Variants in PLXNA4 observed in about 807,000 individuals in gnomAD.
PLXNA4 encodes plexin-A4.
A neutral mutation model predicts 191.8 loss-of-function variants in PLXNA4; 44 were observed. The observed-to-expected ratio is 0.23, with a 90% CI of 0.18 to 0.29. The LOEUF is 0.29. PLXNA4 is among the 10% of genes least tolerant of loss of function. PLXNA4 has a pLI of 1.00. For synonymous variants in PLXNA4, 1,082 were observed against 1,009.5 expected (o/e 1.07, Z -1.36); for missense variants, 1,800 against 2,488.8 (o/e 0.72, Z 5.89).
intron 3 of PLXNA4, among the ~76,000 whole-genome samples, chr7:132,481,539 A>G (rs1464837295): frequency 6.6e-6 from 1 of 152,164 alleles, no homozygotes; most frequent in Admixed American, 6.5e-5. Flanking sequence ...TGAGGATTAC[A>G]TGTGACAATC....
At chr7:132,481,876 C>G (rs1490140492) in intron 3 of PLXNA4, among the ~76,000 whole-genome samples, 1 of 152,176 alleles carries the variant, frequency 6.6e-6, no homozygotes, top group Non-Finnish European at 1.5e-5. Flanking sequence ...GTTTCCTCAC[C>G]CCTGGTCCTG....
chr7:132,501,714 C>A (rs1233347947), intron 2 of PLXNA4, among the ~76,000 whole-genome samples: 1 of 152,212 alleles, frequency 6.6e-6, no homozygotes, highest in South Asian at 2.1e-4. Context: ...CAGGTGCCAT[C>A]TCCGAGAGAG....
intron 29 of PLXNA4, among the ~76,000 whole-genome samples, chr7:132,142,588 T>C (rs900888095): frequency 2.0e-5 from 3 of 152,190 alleles, no homozygotes; most frequent in African/African-American, 7.2e-5. Context: ...TCCTACAAAG[T>C]GTGCAGGGCG....
At chr7:132,408,999 G>A (rs1202456576) in intron 3 of PLXNA4, among the ~76,000 whole-genome samples, 2 of 152,012 alleles carry the variant, frequency 1.3e-5, no homozygotes, top group African/African-American at 4.8e-5. Context: ...TCTCAAAAAG[G>A]GGTCCAAGCA....
chr7:132,386,298 C>T (rs1033790143), intron 3 of PLXNA4, among the ~76,000 whole-genome samples: 6 of 152,160 alleles, frequency 3.9e-5, no homozygotes, highest in East Asian at 1.9e-4. Context: ...GGGAGAACAC[C>T]GGGCTGTGTT....
chr7:132,468,632 G>A (rs1227452352), intron 3 of PLXNA4, among the ~76,000 whole-genome samples: 2 of 152,100 alleles, frequency 1.3e-5, no homozygotes, highest in African/African-American at 4.8e-5. Context: ...TGAGGAGAAA[G>A]AGAGAAGAAT....
intron 3 of PLXNA4, among the ~76,000 whole-genome samples, chr7:132,389,229 A>G (rs1008269781): frequency 1.3e-5 from 2 of 152,088 alleles, no homozygotes; most frequent in Non-Finnish European, 1.5e-5. Context: ...GTTCACTCTG[A>G]TGATAGTTTC....
chr7:132,331,462 C>T (rs568632833), intron 3 of PLXNA4, among the ~76,000 whole-genome samples: 18 of 152,360 alleles, frequency 1.2e-4, no homozygotes, highest in Admixed American at 9.1e-4. Context: ...AGCTCTGCTG[C>T]TCAGGGACCT....
intron 4 of PLXNA4, among the ~76,000 whole-genome samples, chr7:132,257,821 T>C (rs911249471): frequency 3.3e-5 from 5 of 152,202 alleles, no homozygotes; most frequent in African/African-American, 9.6e-5. Context: ...TCTTTCCAGC[T>C]ATGCTGAAGA....
chr7:132,578,097 C>A (rs553113318), upstream of PLXNA4, among the ~76,000 whole-genome samples: 2 of 152,178 alleles, frequency 1.3e-5, no homozygotes, highest in Non-Finnish European at 2.9e-5. Flanking sequence ...AGAAAGAAAT[C>A]ACCATGTAGC....
At position 132,476,182 on chromosome 7, in the gene PLXNA4, C is replaced by G. The variant is rs540059957; in HGVS notation, c.1371+13110G>C. Reference sequence around the variant, plus strand: ...GCATGTGTGAGTATATCTTATCCACCTGAAAATAGAAGGTGAAGAGCTTAG... The same window carrying G: ...GCATGTGTGAGTATATCTTATCCACGTGAAAATAGAAGGTGAAGAGCTTAG... On this transcript the variant is annotated intron_variant, in intron 3 of 31. Coordinates refer to ENST00000321063, the MANE Select transcript of PLXNA4 (RefSeq NM_020911.2). 2.6e-5 allele frequency among the ~76,000 whole-genome samples: 4 copies of G among 152,198 alleles called. No homozygotes were observed. In the East Asian group the frequency reaches 7.7e-4, roughly 29 times the overall value.
chr7:132,369,091 G>C (rs1252628573), intron 3 of PLXNA4, among the ~76,000 whole-genome samples: 1 of 152,128 alleles, frequency 6.6e-6, no homozygotes, highest in African/African-American at 2.4e-5. Flanking sequence ...GCTGCTCAGA[G>C]CCCAGAGCCT....
intron 3 of PLXNA4, among the ~76,000 whole-genome samples, chr7:132,365,483 T>A (rs1039262495): frequency 6.6e-6 from 1 of 152,204 alleles, no homozygotes; most frequent in Admixed American, 6.5e-5. Flanking sequence ...GGGGCTCAGT[T>A]TCCTCATCTC....
chr7:132,235,742 T>C (rs1798677317), intron 5 of PLXNA4, among the ~76,000 whole-genome samples: 1 of 152,128 alleles, frequency 6.6e-6, no homozygotes, highest in Non-Finnish European at 1.5e-5. Context: ...ACAGGCTTCT[T>C]TGCCTGGGCA....
chr7:132,362,551 T>C (rs972261369), intron 3 of PLXNA4, among the ~76,000 whole-genome samples: 4 of 152,232 alleles, frequency 2.6e-5, no homozygotes, highest in Non-Finnish European at 2.9e-5. Context: ...TGACTTCCTA[T>C]AGTGCTGTGT....
At chr7:132,602,839 T>C (rs973413382) in intron 2 of PLXNA4, among the ~76,000 whole-genome samples, 8 of 152,198 alleles carry the variant, frequency 5.3e-5, no homozygotes, top group Non-Finnish European at 1.2e-4. Context: ...CAATGGATTC[T>C]TCTCTACCCG....
intron 4 of PLXNA4, among the ~76,000 whole-genome samples, chr7:132,274,291 T>C (rs1427052025): frequency 6.6e-6 from 1 of 151,538 alleles, no homozygotes; most frequent in Admixed American, 6.6e-5. Context: ...TATGTATATA[T>C]TTCTATTTTA....
intron 9 of PLXNA4, among the ~76,000 whole-genome samples, chr7:132,218,615 T>C (rs2116934875): frequency 6.6e-6 from 1 of 152,304 alleles, no homozygotes; most frequent in East Asian, 1.9e-4. Context: ...TGTGAATGCC[T>C]GATGGGAGGT....
At chr7:132,218,476 C>T (rs1798040033) in intron 9 of PLXNA4, among the ~76,000 whole-genome samples, 2 of 152,216 alleles carry the variant, frequency 1.3e-5, no homozygotes, top group African/African-American at 2.4e-5. Context: ...ACAGCTTCAG[C>T]AGCAGCTCAC....
Sources: allele counts gnomAD v4.1 joint callset (sites outside exome capture counted in the v4.1 genomes callset), GRCh38; gene constraint gnomAD v4.1.1; transcripts MANE v1.5; gene names NCBI Gene and HGNC (gene_info 2026-07-23, HGNC 2026-07-21).